CSMD1: variants seen among roughly 807,000 people sequenced by gnomAD.
CSMD1 encodes the protein CUB and Sushi multiple domains 1.
CSMD1 carries 213 observed loss-of-function variants against 417.5 expected under a neutral mutation model. That is an observed-to-expected ratio of 0.51 (90% confidence interval 0.46 to 0.57). CSMD1 has a LOEUF of 0.57. CSMD1 is among the 20% of genes least tolerant of loss of function. The pLI, the probability that CSMD1 is intolerant of heterozygous loss-of-function variation, is 0.00. For missense variants in CSMD1, 6,923 were observed against 4,529.7 expected (o/e 1.53, Z -15.17); for synonymous variants, 2,862 against 1,736.8 (o/e 1.65, Z -16.11).
chr8:4,841,327 C>A (rs758916101), intron 1 of CSMD1, among the ~76,000 whole-genome samples: 28 of 152,296 alleles, frequency 1.8e-4, no homozygotes, highest in Middle Eastern at 6.8e-3. Flanking sequence ...TAGACTTATG[C>A]TGGTTTTGGA....
chr8:4,177,275 C>G (rs1418568823), intron 3 of CSMD1, among the ~76,000 whole-genome samples: 2 of 152,120 alleles, frequency 1.3e-5, no homozygotes, highest in South Asian at 2.1e-4. Context: ...GATTAAGAAA[C>G]TCACTCAAAA....
intron 3 of CSMD1, among the ~76,000 whole-genome samples, chr8:4,219,050 C>T (rs982345774): frequency 4.6e-5 from 7 of 152,134 alleles, no homozygotes; most frequent in African/African-American, 7.2e-5. Flanking sequence ...AATGGTCATA[C>T]GTTAGAGGTA....
At chr8:3,761,235 G>C (rs2129056008) in intron 5 of CSMD1, among the ~76,000 whole-genome samples, 1 of 152,168 alleles carries the variant, frequency 6.6e-6, no homozygotes, top group South Asian at 2.1e-4. Flanking sequence ...ACAGTTAAAA[G>C]AAGGTCTATG....
At chr8:3,693,598 C>T (rs115721184) in intron 7 of CSMD1, among the ~76,000 whole-genome samples, 2,962 of 152,096 alleles carry the variant, frequency 0.019, 88 homozygotes, top group African/African-American at 0.064. Flanking sequence ...AAATCCCCAC[C>T]CTTATTCCAT....
At chr8:4,465,203 G>A (rs1050117705) in intron 2 of CSMD1, among the ~76,000 whole-genome samples, 4 of 152,126 alleles carry the variant, frequency 2.6e-5, no homozygotes, top group Admixed American at 2.0e-4. Context: ...CCAGGAGGAT[G>A]CCACATAAAG....
In CSMD1 at chr8:3,834,837, C is replaced by G. The variant is rs576157609; in HGVS notation, c.819-80795G>C. 2.6e-5 allele frequency among the ~76,000 whole-genome samples: 4 copies of G among 151,898 alleles called. No homozygotes were observed. The East Asian group carries it at 7.8e-4, about 30-fold the overall frequency. On this transcript the variant is annotated intron_variant, in intron 5 of 69. Transcript: ENST00000635120. Reference sequence around the variant, plus strand: ...TACTCATCTGACAAAGGGCTAATATCCAGAATCTACAATGAACTCCAACAA... The same window carrying G: ...TACTCATCTGACAAAGGGCTAATATGCAGAATCTACAATGAACTCCAACAA...
Position 2,974,553 on chromosome 8 carries a change from C to T in CSMD1, c.8638G>A (p.Val2880Ile), listed in dbSNP as rs199997360. Residue 2880 changes from valine (V) to isoleucine (I), a missense_variant, in exon 56 of 70, where the codon GTC becomes ATC. By Grantham distance (29) the Val-to-Ile change is conservative (BLOSUM62 3). Coordinates refer to ENST00000635120, the MANE Select transcript of CSMD1 (RefSeq NM_033225.6). ...LTGELFTYGA[V>I]VHYSCRGSES... is the part of the protein sequence containing the mutation. ...CTCCCTCTGCAGGAGTAGTGCACGA[C>T]GGCGCCATAGGTAAACAGCTCTCCA... 1,862 of 1,613,212 alleles carry T rather than the reference C, an allele frequency of 1.2e-3. 24 individuals carry two copies. The highest frequency in any genetic ancestry group is 0.01 in the South Asian group (947 of 90,820).
intron 12 of CSMD1, among the ~76,000 whole-genome samples, chr8:3,432,177 G>A (rs913046261): frequency 6.6e-6 from 1 of 152,040 alleles, no homozygotes; most frequent in African/African-American, 2.4e-5. Flanking sequence ...TCTTAATCTG[G>A]GCATTATAAT....
chr8:4,372,143 C>A (rs576529629), intron 3 of CSMD1, among the ~76,000 whole-genome samples: 2 of 152,174 alleles, frequency 1.3e-5, no homozygotes, highest in Non-Finnish European at 2.9e-5. Flanking sequence ...TTTCTATGTG[C>A]ATTTCTCTAA....
chr8:4,133,915 A>G lies in CSMD1; in HGVS notation c.416-101816T>C, dbSNP rs148157467. On this transcript the variant is annotated intron_variant, in intron 3 of 69. Transcript: ENST00000635120. ...ATCTTGTAAACATAGTTATCCAGGG[A>G]AACAGAATAAAATCTTGATGTTTTC... 4.1e-3 allele frequency among the ~76,000 whole-genome samples: 628 copies of G among 152,344 alleles called. 6 individuals carry two copies. The highest frequency in any genetic ancestry group is 0.014 in the African/African-American group (581 of 41,580).
intron 1 of CSMD1, among the ~76,000 whole-genome samples, chr8:4,867,788 C>A (rs4875120): frequency 0.88 from 133,885 of 152,020 alleles, 60,790 homozygotes; most frequent in Non-Finnish European, 0.98. Context: ...TGTTTTGATC[C>A]CTCTAATAAA....
At chr8:4,292,697 T>C (rs952464443) in intron 3 of CSMD1, among the ~76,000 whole-genome samples, 1 of 152,208 alleles carries the variant, frequency 6.6e-6, no homozygotes, top group African/African-American at 2.4e-5. Flanking sequence ...AATGATTCAG[T>C]TTATTTTTTC....
rs35444669 is a variant in CSMD1 at position 3,162,222 on chromosome 8, G to C, written c.5781C>G (p.Ile1927Met). 2.1e-3 allele frequency: 3,392 copies of C among 1,611,624 alleles called. 76 individuals carry two copies. The African/African-American group carries it at 0.04, about 19-fold the overall frequency. The change falls in exon 38 of 70, where the codon ATC becomes ATG. Residue 1927 changes from isoleucine to methionine, a missense_variant. Ile to Met is a conservative substitution (Grantham distance 10). Coordinates refer to ENST00000635120, the MANE Select transcript of CSMD1 (RefSeq NM_033225.6). ...EPALPSNSIKIGDRYMVNDVL... is the reference protein window; with the variant it reads ...EPALPSNSIKMGDRYMVNDVL... ...CGTCGTTCACCATGTACCGATCTCC[G>C]ATTTTGATGCTGTTGCTGGGGAGGG...
chr8:4,689,049 T>C (rs1413981654), intron 1 of CSMD1, among the ~76,000 whole-genome samples: 2 of 152,210 alleles, frequency 1.3e-5, no homozygotes, highest in Non-Finnish European at 2.9e-5. Flanking sequence ...GTCCACATAA[T>C]AACTTGCTTT....
intron 8 of CSMD1, among the ~76,000 whole-genome samples, chr8:3,606,665 C>T (rs1256847465): frequency 3.3e-5 from 5 of 151,608 alleles, no homozygotes; most frequent in Admixed American, 6.6e-5. Context: ...TTTCTTTCTT[C>T]AATAATAAAT....
intron 5 of CSMD1, among the ~76,000 whole-genome samples, chr8:3,979,218 T>C (rs545148735): frequency 1.2e-3 from 183 of 152,278 alleles, no homozygotes; most frequent in African/African-American, 4.2e-3. Flanking sequence ...CAATAATGTA[T>C]AGGAAGTTTT....
chr8:2,991,333 A>C (rs965401490), intron 54 of CSMD1, among the ~76,000 whole-genome samples: 8 of 152,354 alleles, frequency 5.3e-5, no homozygotes, highest in African/African-American at 1.7e-4. Flanking sequence ...ACTAAAACAC[A>C]CTAAATATAC....
intron 10 of CSMD1, among the ~76,000 whole-genome samples, chr8:3,516,059 G>A (rs930375384): frequency 6.6e-6 from 1 of 152,068 alleles, no homozygotes; most frequent in Non-Finnish European, 1.5e-5. Flanking sequence ...ACTCCCTACT[G>A]TAGAACTGGG....
At chr8:4,270,199 C>A (rs1804497472) in intron 3 of CSMD1, among the ~76,000 whole-genome samples, 1 of 152,144 alleles carries the variant, frequency 6.6e-6, no homozygotes, top group African/African-American at 2.4e-5. Flanking sequence ...GACATAGCCG[C>A]GTGTTTCCTA....
Sources: allele counts gnomAD v4.1 joint callset (sites outside exome capture counted in the v4.1 genomes callset), GRCh38; gene constraint gnomAD v4.1.1; transcripts MANE v1.5; gene names NCBI Gene and HGNC (gene_info 2026-07-23, HGNC 2026-07-21).